The following CNTNAP5 variants were observed in gnomAD, a reference collection of about 807,000 sequenced individuals.
CNTNAP5 encodes the protein contactin-associated protein-like 5.
Under a neutral mutation model 150.2 loss-of-function variants are expected in CNTNAP5, and 72 were observed. That is an observed-to-expected ratio of 0.48 (90% CI 0.40 to 0.58). The LOEUF (loss-of-function observed/expected upper bound fraction) is 0.58. Among genes scored for constraint, CNTNAP5 ranks in the 20% least tolerant of loss-of-function variants. CNTNAP5 has a pLI of 0.00. For missense variants in CNTNAP5, 1,636 were observed against 1,626.2 expected, an observed-to-expected ratio of 1.01 and a Z score of -0.10; for synonymous variants, 672 against 619.8, an observed-to-expected ratio of 1.08 and a Z score of -1.25.
chr2:124,197,943 T>G (rs1026685970), intron 1 of CNTNAP5, among the ~76,000 whole-genome samples: 1 of 151,262 alleles, frequency 6.6e-6, no homozygotes, highest in Admixed American at 6.6e-5. Flanking sequence ...ATCGCGCCAC[T>G]GCACTCCAGC....
chr2:124,117,157 T>G (rs1467365988), intron 1 of CNTNAP5, among the ~76,000 whole-genome samples: 1 of 152,186 alleles, frequency 6.6e-6, no homozygotes, highest in Non-Finnish European at 1.5e-5. Context: ...TGGTTTTGCT[T>G]TCAGAAAATA....
At chr2:124,486,656 C>A (rs998772625) in intron 7 of CNTNAP5, among the ~76,000 whole-genome samples, 2 of 152,142 alleles carry the variant, frequency 1.3e-5, no homozygotes, top group African/African-American at 4.8e-5. Context: ...TCATATGTCA[C>A]CTGATCACAG....
chr2:124,651,059 G>A (rs918053054), intron 13 of CNTNAP5, among the ~76,000 whole-genome samples: 2 of 152,154 alleles, frequency 1.3e-5, no homozygotes, highest in Non-Finnish European at 2.9e-5. Context: ...CTATGAGACT[G>A]AGTGCCCGTT....
At chr2:124,028,777 C>G (rs148358180) in intron 1 of CNTNAP5, among the ~76,000 whole-genome samples, 1 of 152,166 alleles carries the variant, frequency 6.6e-6, no homozygotes, top group African/African-American at 2.4e-5. Flanking sequence ...CACAGCTAAG[C>G]GTTCAAATAC....
chr2:124,507,988 T>A (rs1435825950), intron 8 of CNTNAP5, among the ~76,000 whole-genome samples: 1 of 152,174 alleles, frequency 6.6e-6, no homozygotes, highest in African/African-American at 2.4e-5. Context: ...CAGGTAAATA[T>A]GCCCAGCTTG....
At chr2:124,851,716 G>T (rs1026227786) in intron 19 of CNTNAP5, among the ~76,000 whole-genome samples, 1 of 152,148 alleles carries the variant, frequency 6.6e-6, no homozygotes. Flanking sequence ...GAAATGAAGA[G>T]AAGGCATTAT....
In CNTNAP5 at chr2:124,609,853, C is replaced by T. The variant is rs761240043; in HGVS notation, c.1809C>T (p.Gly603=). 3.1e-6 allele frequency: 5 copies of T among 1,614,028 alleles called. No individual in the cohort carries two copies. In the South Asian group the frequency reaches 3.3e-5, roughly 11 times the overall value. The part of the protein sequence containing the change: ...EVYRHQGNTA[G]FFYIDSDGSG... ...ACAGGCACCAGGGGAATACAGCCGG[C>T]TTCTTCTACATCGACTCAGATGGCA... The change falls in exon 12 of 24, where the codon GGC becomes GGT. Residue 603 remains glycine (G), a synonymous_variant. Coordinates refer to ENST00000682447, the MANE Select transcript of CNTNAP5 (RefSeq NM_001367498.1).
rs766246358 is a variant in CNTNAP5, at chr2:124,902,984, C to T, written c.3539C>T (p.Ala1180Val). Reference protein sequence around the residue: ...QYNHIAPLKAALRHATVAPVT... With the variant: ...QYNHIAPLKAVLRHATVAPVT... ...AACCACATAGCACCACTGAAGGCTG[C>T]CCTGCGCCATGCCACTGTCGCGCCT... is the stretch of plus-strand genomic sequence containing the variant. Residue 1180 changes from alanine (A) to valine (V), a missense_variant, in exon 22 of 24, where the codon GCC becomes GTC. By Grantham distance (64) the Ala-to-Val change is moderately conservative. Transcript: ENST00000682447. 6.3e-5 allele frequency: 102 copies of T among 1,612,696 alleles called. No individual in the cohort carries two copies. Among genetic ancestry groups the T allele is most frequent in the African/African-American group, 1.3e-5 (1 of 74,930 alleles).
intron 3 of CNTNAP5, among the ~76,000 whole-genome samples, chr2:124,332,789 T>C (rs992520339): frequency 6.6e-5 from 10 of 152,164 alleles, no homozygotes; most frequent in African/African-American, 2.4e-4. Context: ...CATACTGTTA[T>C]GATTTTAAAC....
intron 3 of CNTNAP5, among the ~76,000 whole-genome samples, chr2:124,377,250 T>C (rs1368061636): frequency 1.3e-5 from 2 of 152,142 alleles, no homozygotes; most frequent in South Asian, 2.1e-4. Context: ...TTTGCTTTAA[T>C]AGAAGGATTT....
chr2:124,527,141 A>G (rs938276385), intron 9 of CNTNAP5, 144 bp from the exon 10 acceptor site: 4 of 625,702 alleles, frequency 6.4e-6, no homozygotes, highest in Non-Finnish European at 1.1e-5. Flanking sequence ...TGAGAATGCT[A>G]GGATTTATAA....
chr2:124,517,368 G>GT (rs1167447964), intron 8 of CNTNAP5, among the ~76,000 whole-genome samples: 2 of 150,758 alleles, frequency 1.3e-5, no homozygotes, highest in Non-Finnish European at 3.0e-5. Context: ...GTGATGGAGG[G>GT]TTATGGTGTT....
At position 124,485,208 on chromosome 2, in the gene CNTNAP5, C is replaced by CA. The variant is rs1041495955; in HGVS notation, c.1062+10332dup. Reference sequence around the variant, plus strand: ...CCAAGTTGTCCAGAAATAGCATGTGCAAAAAATCAGGTACTTTCTCTAGCT... The same window carrying CA: ...CCAAGTTGTCCAGAAATAGCATGTGCAAAAAAATCAGGTACTTTCTCTAGCT... On this transcript the variant is annotated intron_variant, in intron 7 of 23. Transcript: ENST00000682447. Among the ~76,000 whole-genome samples, 63 of 152,204 alleles carry CA rather than the reference C, an allele frequency of 4.1e-4. 1 individual carries two copies. Among genetic ancestry groups the CA allele is most frequent in the African/African-American group, 1.4e-3 (60 of 41,556 alleles).
intron 22 of CNTNAP5, among the ~76,000 whole-genome samples, chr2:124,905,127 T>TG (rs1553454292): frequency 2.0e-5 from 1 of 50,384 alleles, no homozygotes; most frequent in Non-Finnish European, 4.8e-5. Flanking sequence ...TTTTTTTTTG[T>TG]TTTTTTTTTT....
intron 19 of CNTNAP5, among the ~76,000 whole-genome samples, chr2:124,815,115 A>G (rs1682333455): frequency 1.3e-5 from 2 of 152,224 alleles, no homozygotes; most frequent in African/African-American, 4.8e-5. Flanking sequence ...CTCCGTAGCA[A>G]TAACTAAGTA....
At chr2:124,436,661 G>A (rs1692538169) in intron 5 of CNTNAP5, among the ~76,000 whole-genome samples, 1 of 152,144 alleles carries the variant, frequency 6.6e-6, no homozygotes, top group Non-Finnish European at 1.5e-5. Flanking sequence ...GGAATATTAA[G>A]ATAAATAGCA....
chr2:124,147,045 G>T (rs1395389960), intron 1 of CNTNAP5, among the ~76,000 whole-genome samples: 2 of 152,134 alleles, frequency 1.3e-5, no homozygotes, highest in Non-Finnish European at 2.9e-5. Flanking sequence ...AGTACTCTAT[G>T]ATGCTTTCTC....
intron 1 of CNTNAP5, among the ~76,000 whole-genome samples, chr2:124,171,844 C>T (rs187688716): frequency 1.1e-3 from 166 of 152,308 alleles, no homozygotes; most frequent in Admixed American, 8.4e-3. Context: ...ACTATGACTC[C>T]CTTCCTCACT....
At chr2:124,768,708 G>A (rs1045473236) in intron 16 of CNTNAP5, among the ~76,000 whole-genome samples, 5 of 152,064 alleles carry the variant, frequency 3.3e-5, no homozygotes, top group Admixed American at 6.5e-5. Context: ...GACCCACCCA[G>A]CTCTGTCTGA....
Sources: allele counts gnomAD v4.1 joint callset (sites outside exome capture counted in the v4.1 genomes callset), GRCh38; gene constraint gnomAD v4.1.1; transcripts MANE v1.5; gene names NCBI Gene and HGNC (gene_info 2026-07-23, HGNC 2026-07-21).